THSD7B: variants seen among roughly 807,000 people sequenced by gnomAD.
THSD7B encodes thrombospondin type 1 domain containing 7B.
A neutral mutation model predicts 213.6 loss-of-function variants in THSD7B; 138 were observed. That is an observed-to-expected ratio of 0.65 (90% confidence interval 0.56 to 0.74). The LOEUF is 0.74. Ranked by LOEUF, THSD7B falls within the 30% of genes least tolerant of loss-of-function variation. The pLI, the probability that THSD7B is intolerant of heterozygous loss-of-function variation, is 0.00. For synonymous variants in THSD7B, 742 were observed against 687.0 expected (o/e 1.08, Z -1.25); for missense variants, 1,931 against 1,991.5 (o/e 0.97, Z 0.58).
At chr2:137,372,112 C>A (rs76898738) in intron 12 of THSD7B, among the ~76,000 whole-genome samples, 4,517 of 152,142 alleles carry the variant, frequency 0.03, 233 homozygotes, top group African/African-American at 0.1. Context: ...CTCCTCATGT[C>A]AACATAGGTG....
chr2:137,388,013 C>T (rs1317418340), intron 12 of THSD7B, among the ~76,000 whole-genome samples: 3 of 152,170 alleles, frequency 2.0e-5, no homozygotes, highest in Non-Finnish European at 4.4e-5. Context: ...TAATTGTTCA[C>T]AGCAGACTGC....
chr2:136,941,520 GT>G (rs1306838864), intron 2 of THSD7B, among the ~76,000 whole-genome samples: 1 of 152,174 alleles, frequency 6.6e-6, no homozygotes, highest in Admixed American at 6.5e-5. Context: ...AGCATCTGTT[GT>G]TTCCTGACTT....
intron 2 of THSD7B, among the ~76,000 whole-genome samples, chr2:136,957,123 A>AG (rs973077070): frequency 2.4e-4 from 36 of 152,132 alleles, no homozygotes; most frequent in African/African-American, 8.7e-4. Flanking sequence ...TCCTAGTCTC[A>AG]GGGGGGAGCA....
In THSD7B at chr2:136,784,696, T is replaced by C. The variant is rs564591493; in HGVS notation, c.-36+19009T>C. 3.3e-5 allele frequency among the ~76,000 whole-genome samples: 5 copies of C among 152,356 alleles called. No homozygotes were observed. In the East Asian group the frequency reaches 9.6e-4, roughly 29 times the overall value. On this transcript the variant is annotated intron_variant, in intron 1 of 27. Transcript: ENST00000409968. Reference sequence around the variant, plus strand: ...GTGTTATATACAAGATACTTTTTTATCCTTAGTCTATAAAATTGTCATCAT... The same window carrying C: ...GTGTTATATACAAGATACTTTTTTACCCTTAGTCTATAAAATTGTCATCAT...
intron 7 of THSD7B, among the ~76,000 whole-genome samples, chr2:137,207,561 A>C (rs1681012860): frequency 6.6e-6 from 1 of 152,096 alleles, no homozygotes; most frequent in African/African-American, 2.4e-5. Flanking sequence ...TAAATCATGG[A>C]GCTTAAAAGC....
At chr2:136,946,529 T>C (rs1173895784) in intron 2 of THSD7B, among the ~76,000 whole-genome samples, 2 of 99,870 alleles carry the variant, frequency 2.0e-5, no homozygotes, top group Admixed American at 1.0e-4. Context: ...TGTCAGACAG[T>C]GATGTTTAAG....
At chr2:137,172,448 G>T (rs1468425809) in intron 7 of THSD7B, among the ~76,000 whole-genome samples, 4 of 152,146 alleles carry the variant, frequency 2.6e-5, no homozygotes, top group Non-Finnish European at 1.5e-5. Context: ...TGAACTATGA[G>T]GTACAGAGAG....
intron 12 of THSD7B, among the ~76,000 whole-genome samples, chr2:137,311,523 A>C (rs1224323830): frequency 2.0e-5 from 3 of 152,090 alleles, no homozygotes; most frequent in Middle Eastern, 3.4e-3. Flanking sequence ...ATTGCCCTGA[A>C]CAGAACTTCC....
At chr2:137,126,880 C>T (rs1171808714) in intron 5 of THSD7B, among the ~76,000 whole-genome samples, 3 of 151,922 alleles carry the variant, frequency 2.0e-5, no homozygotes, top group Non-Finnish European at 2.9e-5. Context: ...ATTGTGTCTC[C>T]AGAAATAGGG....
chr2:137,242,545 A>G lies in THSD7B; in HGVS notation c.2239A>G (p.Thr747Ala), dbSNP rs1396444179. The change falls in exon 10 of 28, where the codon ACA becomes GCA. Residue 747 changes from threonine (T) to alanine (A), a missense_variant. Physicochemically the swap from Thr to Ala is moderately conservative, Grantham distance 58. Transcript: ENST00000409968. ...DCIVTAFSEW[T>A]PCPRMCQAGN... ...TATTGTGACTGCTTTCAGTGAGTGG[A>G]CACCCTGCCCAAGGATGTGCCAAGC... 1 of 1,613,732 alleles carries G rather than the reference A, an allele frequency of 6.2e-7. No homozygotes were observed. The highest frequency in any genetic ancestry group is 1.1e-5 in the South Asian group (1 of 91,078).
intron 2 of THSD7B, among the ~76,000 whole-genome samples, chr2:136,975,128 T>G (rs1685460383): frequency 6.6e-6 from 1 of 152,222 alleles, no homozygotes; most frequent in East Asian, 1.9e-4. Flanking sequence ...TTGCAAAATT[T>G]TTCTCCCATT....
intron 27 of THSD7B, among the ~76,000 whole-genome samples, chr2:137,672,680 G>A (rs895253844): frequency 6.6e-6 from 1 of 152,154 alleles, no homozygotes; most frequent in African/African-American, 2.4e-5. Context: ...AAAAACAGAA[G>A]CCTTAGGACA....
chr2:137,361,467 G>C (rs983192833), intron 12 of THSD7B, among the ~76,000 whole-genome samples: 1 of 152,032 alleles, frequency 6.6e-6, no homozygotes, highest in African/African-American at 2.4e-5. Context: ...CCCATCAAAA[G>C]GAAGCTAAAA....
At chr2:137,137,567 G>C (rs1218199180) in intron 5 of THSD7B, among the ~76,000 whole-genome samples, 1 of 152,136 alleles carries the variant, frequency 6.6e-6, no homozygotes, top group Admixed American at 6.6e-5. Context: ...GTAGCATGCT[G>C]TATAGGTTTA....
At chr2:137,248,687 AC>A (rs1397508516) in intron 10 of THSD7B, among the ~76,000 whole-genome samples, 3 of 152,122 alleles carry the variant, frequency 2.0e-5, no homozygotes, top group East Asian at 1.9e-4. Flanking sequence ...AACCATCCAC[AC>A]CTTTGTTCAT....
At chr2:137,668,312 G>C (rs1267092874) in intron 27 of THSD7B, among the ~76,000 whole-genome samples, 1 of 151,926 alleles carries the variant, frequency 6.6e-6, no homozygotes, top group Non-Finnish European at 1.5e-5. Flanking sequence ...CTTAAATTTT[G>C]TTCTTAAATT....
intron 2 of THSD7B, among the ~76,000 whole-genome samples, chr2:136,961,679 A>G (rs770630997): frequency 6.6e-6 from 1 of 152,148 alleles, no homozygotes; most frequent in Non-Finnish European, 1.5e-5. Context: ...CTTTAGCTTT[A>G]TGTTTGAAGA....
At chr2:137,290,810 G>C (rs1416654979) in intron 12 of THSD7B, among the ~76,000 whole-genome samples, 2 of 152,108 alleles carry the variant, frequency 1.3e-5, no homozygotes, top group African/African-American at 2.4e-5. Context: ...TTAACAGAGA[G>C]AATCAGGCTT....
intron 3 of THSD7B, among the ~76,000 whole-genome samples, chr2:137,058,360 C>A (rs1489510543): frequency 6.6e-6 from 1 of 152,098 alleles, no homozygotes; most frequent in Non-Finnish European, 1.5e-5. Context: ...TGTGTAAATA[C>A]ATTGTTTTCT....
Sources: gnomAD v4.1 joint callset for allele counts (sites outside exome capture counted in the v4.1 genomes callset) on GRCh38, gnomAD v4.1.1 for gene constraint, MANE v1.5 for transcripts, NCBI Gene and HGNC (gene_info 2026-07-23, HGNC 2026-07-21) for gene names.